The following KHNYN variants were observed in gnomAD, a reference collection of about 807,000 sequenced individuals.
KHNYN encodes protein KHNYN.
A neutral mutation model predicts 62.7 loss-of-function variants in KHNYN; 42 were observed. The observed-to-expected ratio is 0.67, with a 90% CI of 0.52 to 0.87. The LOEUF (loss-of-function observed/expected upper bound fraction) is 0.87, where lower values mean the gene tolerates loss of function less well. KHNYN is among the 40% of genes least tolerant of loss of function. KHNYN has a pLI of 0.00. For synonymous variants in KHNYN, 347 were observed against 345.6 expected, an observed-to-expected ratio of 1.00 and a Z score of -0.04; for missense variants, 829 against 874.1, an observed-to-expected ratio of 0.95 and a Z score of 0.65.
rs2043294209 is a variant in KHNYN at position 24,440,433 on chromosome 14, C to T, written c.*3148C>T. ...CCTGAGCCGATGGGGCCCCCCAGGC[C>T]CAGGCGAAAGGGCAGCAGCATGTGG... On this transcript the variant is annotated 3_prime_UTR_variant, in exon 8 of 8. Coordinates refer to ENST00000553935, the MANE Select transcript of KHNYN (RefSeq NM_015299.3). 4 of 1,612,620 alleles carry T rather than the reference C, an allele frequency of 2.5e-6. No individual in the cohort carries two copies. The highest frequency in any genetic ancestry group is 3.4e-6 in the Non-Finnish European group (4 of 1,179,334).
In KHNYN at chr14:24,432,470, C is replaced by T. The variant is rs766517295; in HGVS notation, c.1209C>T (p.Gly403=). The change falls in exon 3 of 8, where the codon GGC becomes GGT. Residue 403 remains glycine (G), a synonymous_variant. Coordinates refer to ENST00000553935, the MANE Select transcript of KHNYN (RefSeq NM_015299.3). This position sits in a 1 kb window ranked among gnomAD's most constrained non-coding sequence, Gnocchi z 5.6. ...ARGRGPQWKR[G]ARGGNLVTGT... ...GTCGGGGGCCTCAATGGAAACGAGG[C>T]GCCCGAGGGGGCAACTTGGTGACTG... is the stretch of plus-strand genomic sequence containing the variant. 1.1e-5 allele frequency: 18 copies of T among 1,613,420 alleles called. No individual in the cohort carries two copies. Among genetic ancestry groups the T allele is most frequent in the East Asian group, 2.2e-5 (1 of 44,874 alleles).
Position 24,440,582 on chromosome 14 carries a change from C to T in KHNYN, c.*3297C>T. On this transcript the variant is annotated 3_prime_UTR_variant, in exon 8 of 8. Transcript: ENST00000553935. ...TGGTTTCTGTTTCCCCTTCCTCACTCTCCCCATGCTGACTTGGCTCTGTAA... is the reference window on the plus strand; with the variant it reads ...TGGTTTCTGTTTCCCCTTCCTCACTTTCCCCATGCTGACTTGGCTCTGTAA... 6.8e-7 allele frequency: 1 copy of T among 1,464,548 alleles called. No individual in the cohort carries two copies. Among genetic ancestry groups the T allele is most frequent in the Non-Finnish European group, 9.3e-7 (1 of 1,073,358 alleles). The allele number at this position is 1,464,548 out of a possible 1,614,324, so 90.7% of individuals were successfully genotyped here. A position where few individuals can be genotyped will look rare whatever the true frequency, so the allele number is the denominator to read the frequency against.
upstream of KHNYN, chr14:24,428,309 C>A: frequency 6.2e-7 from 1 of 1,613,904 alleles, no homozygotes; most frequent in Non-Finnish European, 8.5e-7. Context: ...CGGTTGTACA[C>A]CTTCACCACA....
At position 24,430,098 on chromosome 14, in the gene KHNYN, G is replaced by C; in HGVS notation, c.-39G>C. The C allele has an allele frequency of 1.0e-6, 1 of 985,418 alleles. No individual in the cohort carries two copies. The highest frequency in any genetic ancestry group is 1.2e-6 in the Non-Finnish European group (1 of 830,156). The allele number at this position is 985,418 out of a possible 1,614,324, so 61.0% of individuals were successfully genotyped here. A position where few individuals can be genotyped will look rare whatever the true frequency, so the allele number is the denominator to read the frequency against. The stretch of plus-strand genomic sequence containing the variant: ...CTGGCGGGCGCTGAGAGGACCTGAA[G>C]CCGGCGCGGGCGGCGGAGGCGGTAG... On this transcript the variant is annotated 5_prime_UTR_variant, in exon 1 of 8. Coordinates refer to ENST00000553935, the MANE Select transcript of KHNYN (RefSeq NM_015299.3).
chr14:24,440,153 C>T lies in KHNYN; in HGVS notation c.*2868C>T, dbSNP rs557782219. On this transcript the variant is annotated 3_prime_UTR_variant, in exon 8 of 8. Transcript: ENST00000553935. ...ATACTGGTAGCCAGTGGCCAGTGTT[C>T]GCTGTGGGATCACCTTCTGGCCCTC... 2.2e-5 allele frequency: 36 copies of T among 1,613,660 alleles called. No homozygotes were observed. The highest frequency in any genetic ancestry group is 1.1e-4 in the East Asian group (5 of 44,866).
At position 24,439,894 on chromosome 14, in the gene KHNYN, T is replaced by G; in HGVS notation, c.*2609T>G. 1 of 550,452 alleles carries G rather than the reference T, an allele frequency of 1.8e-6. No homozygotes were observed. The highest frequency in any genetic ancestry group is 3.2e-6 in the Non-Finnish European group (1 of 316,880). The allele number at this position is 550,452 out of a possible 1,614,324, so 34.1% of individuals were successfully genotyped here. A position where few individuals can be genotyped will look rare whatever the true frequency, so the allele number is the denominator to read the frequency against. On this transcript the variant is annotated 3_prime_UTR_variant, in exon 8 of 8. Coordinates refer to ENST00000553935, the MANE Select transcript of KHNYN (RefSeq NM_015299.3). The stretch of plus-strand genomic sequence containing the variant: ...GAAATCTTACAAGGAGTTGAAAAGA[T>G]TAATGTCCCAACCTGATGAGATTAC...
At position 24,432,694 on chromosome 14, in the gene KHNYN, T is replaced by A; in HGVS notation, c.1350-28T>A. 1 of 1,614,058 alleles carries A rather than the reference T, an allele frequency of 6.2e-7. No homozygotes were observed. Among genetic ancestry groups the A allele is most frequent in the Non-Finnish European group, 8.5e-7 (1 of 1,179,982 alleles). The stretch of plus-strand genomic sequence containing the variant: ...CATTGTAGCCAGGGTGCCAAGCCCC[T>A]CCTCTGGCCGACCCCCTCCCACTAC... On this transcript the variant is annotated intron_variant, in intron 3 of 7. Transcript: ENST00000553935. The surrounding 1 kb of genome is among the most constrained non-coding windows in gnomAD (Gnocchi z 5.6).
In KHNYN at chr14:24,431,711, A is replaced by G. The variant is rs2043117283; in HGVS notation, c.450A>G (p.Pro150=). 23 of 1,614,200 alleles carry G rather than the reference A, an allele frequency of 1.4e-5. No homozygotes were observed. Among genetic ancestry groups the G allele is most frequent in the Non-Finnish European group, 1.9e-5 (22 of 1,180,032 alleles). The change falls in exon 3 of 8, where the codon CCA becomes CCG. Residue 150 remains proline (P), a synonymous_variant. Transcript: ENST00000553935. ...TGAGCTGGGACTTCACGCCAGGACC[A>G]TCTTCCGGAGCCTCTCAGTGTACTG... The part of the protein sequence containing the change: ...ERLSWDFTPG[P]SSGASQCTGV...
At chr14:24,428,266 G>GGGGCCA (rs747272358), upstream of KHNYN, 7 of 1,612,608 alleles carry the variant, frequency 4.3e-6, no homozygotes, top group South Asian at 7.7e-5. Context: ...GCCGGGGATG[G>GGGGCCA]GGGCCAGTGC....
At position 24,434,047 on chromosome 14, in the gene KHNYN, A is replaced by G. The variant is rs773084491; in HGVS notation, c.1577+1015A>G. 2.1e-4 allele frequency: 124 copies of G among 601,006 alleles called. 1 individual carries two copies. Among genetic ancestry groups the G allele is most frequent in the Non-Finnish European group, 2.6e-4 (123 of 478,492 alleles). The allele number at this position is 601,006 out of a possible 1,614,324, so 37.2% of individuals were successfully genotyped here. A position where few individuals can be genotyped will look rare whatever the true frequency, so the allele number is the denominator to read the frequency against. ...TTCTATTCCTTAACAAGCAAATGGT[A>G]TTCTACAAAAAAGCAGTTTACGTTC... On this transcript the variant is annotated intron_variant, in intron 5 of 7. Coordinates refer to ENST00000553935, the MANE Select transcript of KHNYN (RefSeq NM_015299.3).
chr14:24,434,757 CTGA>C (rs2043179907), intron 5 of KHNYN, among the ~76,000 whole-genome samples: 1 of 152,132 alleles, frequency 6.6e-6, no homozygotes. Context: ...AGCTCAGAGC[CTGA>C]TATCTGTCAC....
chr14:24,430,795 A>G lies in KHNYN; in HGVS notation c.65A>G (p.Asn22Ser). The G allele has an allele frequency of 6.2e-7, 1 of 1,608,840 alleles. No homozygotes were observed. The change falls in exon 2 of 8, where the codon AAC (asparagine) becomes AGC (serine). Residue 22 changes from asparagine (N) to serine (S), a missense_variant. By Grantham distance (46) the Asn-to-Ser change is conservative. This residue lies in a region of KHNYN where 559 missense variants were observed against 527.0 expected (regional missense o/e 1.06). Coordinates refer to ENST00000553935, the MANE Select transcript of KHNYN (RefSeq NM_015299.3). ...DRFAVSAEAE[N>S]KVREQQPHVE... ...TTTGCGGTGTCTGCGGAGGCTGAGA[A>G]CAAGGTTCGGGAACAGCAGCCCCAT... is the stretch of plus-strand genomic sequence containing the variant.
chr14:24,431,407 G>A (rs1318881460), intron 2 of KHNYN, 56 bp from the exon 3 acceptor site: 1 of 1,412,784 alleles, frequency 7.1e-7, no homozygotes, highest in East Asian at 2.3e-5. Flanking sequence ...GGAGCCAGGA[G>A]GGGTGATCTG....
In KHNYN at chr14:24,440,025, A is replaced by G. The variant is rs946152006; in HGVS notation, c.*2740A>G. The G allele has an allele frequency of 2.8e-6, 4 of 1,448,872 alleles. No homozygotes were observed. Among genetic ancestry groups the G allele is most frequent in the Non-Finnish European group, 3.7e-6 (4 of 1,073,720 alleles). The allele number at this position is 1,448,872 out of a possible 1,614,324, so 89.8% of individuals were successfully genotyped here. A position where few individuals can be genotyped will look rare whatever the true frequency, so the allele number is the denominator to read the frequency against. ...CTCTCTAGAGGAGCTGAGCCTATTC[A>G]CAGTGCCTAACCTGGAAGCCTGTGA... On this transcript the variant is annotated 3_prime_UTR_variant, in exon 8 of 8. Coordinates refer to ENST00000553935, the MANE Select transcript of KHNYN (RefSeq NM_015299.3).
intron 5 of KHNYN, chr14:24,434,453 G>A: frequency 2.6e-6 from 2 of 782,858 alleles, no homozygotes; most frequent in African/African-American, 1.9e-5. Flanking sequence ...TCGCCACGCT[G>A]GAGTGCAGTG....
In KHNYN at chr14:24,432,171, G is replaced by A. The variant is rs1333710181; in HGVS notation, c.910G>A (p.Gly304Arg). Residue 304 changes from glycine to arginine, a missense_variant, in exon 3 of 8, where the codon GGG becomes AGG. Gly to Arg is a moderately radical substitution (Grantham distance 125). Coordinates refer to ENST00000553935, the MANE Select transcript of KHNYN (RefSeq NM_015299.3). This position sits in a 1 kb window ranked among gnomAD's most constrained non-coding sequence, Gnocchi z 5.6. ...GGARESAPLK[G>R]KALGKEEIAL... ...GGCAAGGGAGTCAGCACCCCTGAAAGGGAAGGCCCTGGGGAAGGAGGAGAT... is the reference window on the plus strand; with the variant it reads ...GGCAAGGGAGTCAGCACCCCTGAAAAGGAAGGCCCTGGGGAAGGAGGAGAT... 9 of 1,565,252 alleles carry A rather than the reference G, an allele frequency of 5.7e-6. No individual in the cohort carries two copies. Among genetic ancestry groups the A allele is most frequent in the Non-Finnish European group, 6.9e-6 (8 of 1,153,874 alleles).
At position 24,440,986 on chromosome 14, in the gene KHNYN, G is replaced by T. The variant is rs772892419; in HGVS notation, c.*3701G>T. Reference sequence around the variant, plus strand: ...CCTTGGTCCTGCCTGGCTCTCTGTAGTGGAGGCTCCCCTTGGCCTCACCTT... The same window carrying T: ...CCTTGGTCCTGCCTGGCTCTCTGTATTGGAGGCTCCCCTTGGCCTCACCTT... On this transcript the variant is annotated 3_prime_UTR_variant, in exon 8 of 8. Coordinates refer to ENST00000553935, the MANE Select transcript of KHNYN (RefSeq NM_015299.3). 6.9e-6 allele frequency: 11 copies of T among 1,592,712 alleles called. No homozygotes were observed. The highest frequency in any genetic ancestry group is 9.5e-6 in the Non-Finnish European group (11 of 1,162,016).
At position 24,441,829 on chromosome 14, in the gene KHNYN, A is replaced by G. The variant is rs757022141; in HGVS notation, c.*4544A>G. On this transcript the variant is annotated 3_prime_UTR_variant, in exon 8 of 8. Transcript: ENST00000553935. ...GAAACATGGGAAATAAAAAGCCACT[A>G]AATACATAAGTGCACATATCCCTCT... The G allele has an allele frequency of 2.5e-6, 4 of 1,594,274 alleles. No homozygotes were observed. Among genetic ancestry groups the G allele is most frequent in the South Asian group, 1.1e-5 (1 of 88,038 alleles).
In KHNYN at chr14:24,440,112, C is replaced by T; in HGVS notation, c.*2827C>T. The T allele has an allele frequency of 6.2e-7, 1 of 1,609,478 alleles. No individual in the cohort carries two copies. ...GCTACAATTTCCTTTAAGGCAGCCC[C>T]TAGCTCTGGGAAGGAATACTGGTAG... On this transcript the variant is annotated 3_prime_UTR_variant, in exon 8 of 8. Coordinates refer to ENST00000553935, the MANE Select transcript of KHNYN (RefSeq NM_015299.3).
Sources: gnomAD v4.1 joint callset for allele counts (sites outside exome capture counted in the v4.1 genomes callset) on GRCh38, gnomAD v4.1.1 for gene constraint, gnomAD v4.1.1 regional missense constraint, Gnocchi (gnomAD v3.1) non-coding constraint, MANE v1.5 for transcripts, NCBI Gene and HGNC (gene_info 2026-07-23, HGNC 2026-07-21) for gene names.